The following CCDC192 variants were observed in gnomAD, a reference collection of about 807,000 sequenced individuals.
CCDC192 encodes coiled-coil domain-containing protein 192.
chr5:127,785,127 T>G, intron 3 of CCDC192: 1 of 522,032 alleles, frequency 1.9e-6, no homozygotes, highest in South Asian at 1.4e-5. Context: ...CCGTCTGGAA[T>G]GTGGATGCCT....
chr5:127,881,896 G>T (rs1210341181), intron 6 of CCDC192, among the ~76,000 whole-genome samples: 1 of 152,120 alleles, frequency 6.6e-6, no homozygotes, highest in African/African-American at 2.4e-5. Flanking sequence ...TCCACCTTTT[G>T]GTACACTTCA....
chr5:127,839,104 A>T (rs953106484), intron 5 of CCDC192, among the ~76,000 whole-genome samples: 2 of 152,242 alleles, frequency 1.3e-5, no homozygotes, highest in Admixed American at 1.3e-4. Context: ...TCTCTTGATA[A>T]ACTGAGAAAG....
intron 5 of CCDC192, among the ~76,000 whole-genome samples, chr5:127,850,789 A>G (rs1434537683): frequency 6.6e-6 from 1 of 152,142 alleles, no homozygotes; most frequent in Non-Finnish European, 1.5e-5. Flanking sequence ...AACATGGTGA[A>G]ACCCTATATC....
At chr5:127,770,295 T>G (rs1463387440) in intron 3 of CCDC192, among the ~76,000 whole-genome samples, 1 of 152,196 alleles carries the variant, frequency 6.6e-6, no homozygotes, top group Non-Finnish European at 1.5e-5. Flanking sequence ...GTTTCTATAA[T>G]ATAACTGCAG....
chr5:127,925,015 C>A (rs574525473), intron 6 of CCDC192, among the ~76,000 whole-genome samples: 4 of 152,276 alleles, frequency 2.6e-5, no homozygotes, highest in South Asian at 2.1e-4. Flanking sequence ...ATGTACAATA[C>A]ATCTCAACAA....
At chr5:127,753,682 T>C (rs1219118656) in intron 2 of CCDC192, among the ~76,000 whole-genome samples, 1 of 138,518 alleles carries the variant, frequency 7.2e-6, no homozygotes, top group African/African-American at 2.6e-5. Flanking sequence ...AGCAAAACTC[T>C]GCCTGGAAAA....
chr5:127,880,198 A>T lies in CCDC192; in HGVS notation c.535+4537A>T, dbSNP rs1172082182. Among the ~76,000 whole-genome samples, 6 of 151,434 alleles carry T rather than the reference A, an allele frequency of 4.0e-5. No homozygotes were observed. The East Asian group carries it at 1.2e-3, about 30-fold the overall frequency. On this transcript the variant is annotated intron_variant, in intron 6 of 6. Transcript: ENST00000514853. Reference sequence around the variant, plus strand: ...TTCACAATAGCAAAGACTTGGAACCAACCCAAATGTTCAACAATGATAGAC... The same window carrying T: ...TTCACAATAGCAAAGACTTGGAACCTACCCAAATGTTCAACAATGATAGAC...
Position 127,797,086 on chromosome 5 carries a change from A to G in CCDC192, c.223-17A>G, listed in dbSNP as rs1757203163. On this transcript the variant is annotated splice_polypyrimidine_tract_variant and intron_variant, in intron 3 of 6. Transcript: ENST00000514853. ...TATCACTGTACTTACATACTCTTAT[A>G]AAGAAAATATCTTTAGCTTTCAGTC... 1.5e-5 allele frequency: 6 copies of G among 397,398 alleles called. No homozygotes were observed. The East Asian group carries it at 2.1e-4, about 14-fold the overall frequency. 24.6% of individuals were successfully genotyped at this position (397,398 alleles called of 1,614,324 possible).
intron 2 of CCDC192, among the ~76,000 whole-genome samples, chr5:127,733,287 TA>T (rs1217261878): frequency 2.6e-5 from 4 of 152,128 alleles, no homozygotes; most frequent in Admixed American, 2.6e-4. Flanking sequence ...CATAGGAACA[TA>T]AAACCTACAG....
chr5:127,722,891 G>A (rs1752106093), intron 2 of CCDC192, among the ~76,000 whole-genome samples: 1 of 152,134 alleles, frequency 6.6e-6, no homozygotes, highest in African/African-American at 2.4e-5. Flanking sequence ...CAGGTAATGT[G>A]ATTCCTCCAG....
At chr5:127,786,211 T>G in intron 3 of CCDC192, 1 of 782,226 alleles carries the variant, frequency 1.3e-6, no homozygotes, top group Non-Finnish European at 2.3e-6. Flanking sequence ...TGTGCCTTCA[T>G]GAAGGTAAAC....
At chr5:127,749,964 C>CT (rs1159670963) in intron 2 of CCDC192, among the ~76,000 whole-genome samples, 1 of 151,860 alleles carries the variant, frequency 6.6e-6, no homozygotes, top group African/African-American at 2.4e-5. Context: ...GTGATATCCC[C>CT]TTTATCATTT....
chr5:127,828,122 G>A (rs1480364906), intron 5 of CCDC192, among the ~76,000 whole-genome samples: 3 of 152,136 alleles, frequency 2.0e-5, no homozygotes, highest in Admixed American at 1.3e-4. Context: ...GGCCAGGCTG[G>A]TCTCAAACTC....
At chr5:127,722,088 ATGAGGGTTCCC>A (rs1248848074) in intron 2 of CCDC192, among the ~76,000 whole-genome samples, 1 of 152,196 alleles carries the variant, frequency 6.6e-6, no homozygotes, top group Admixed American at 6.5e-5. Context: ...CCAACAGTGT[ATGAGGGTTCCC>A]TTTTCTCCAC....
At chr5:127,822,455 G>A (rs1325147437) in intron 5 of CCDC192, among the ~76,000 whole-genome samples, 1 of 152,148 alleles carries the variant, frequency 6.6e-6, no homozygotes, top group African/African-American at 2.4e-5. Context: ...TTATGTCCTA[G>A]TGGGGTTAAA....
chr5:127,860,880 A>C (rs1751329789), intron 5 of CCDC192, among the ~76,000 whole-genome samples: 1 of 152,206 alleles, frequency 6.6e-6, no homozygotes, highest in African/African-American at 2.4e-5. Flanking sequence ...TAGCCAGCCA[A>C]AATCCCTGAG....
chr5:127,816,416 A>T (rs1002804604), intron 5 of CCDC192, among the ~76,000 whole-genome samples: 2 of 152,186 alleles, frequency 1.3e-5, no homozygotes, highest in African/African-American at 4.8e-5. Context: ...GAGTCCTGTG[A>T]TATCAGTCAT....
At chr5:127,794,800 A>G (rs1228616815) in intron 3 of CCDC192, among the ~76,000 whole-genome samples, 4 of 152,278 alleles carry the variant, frequency 2.6e-5, no homozygotes, top group South Asian at 2.1e-4. Context: ...TGGATCACAT[A>G]ACAAACAGGA....
At chr5:127,709,919 A>G (rs10900792) in intron 2 of CCDC192, among the ~76,000 whole-genome samples, 46,988 of 151,908 alleles carry the variant, frequency 0.31, 7,607 homozygotes, top group South Asian at 0.43. Flanking sequence ...CTGTCTTCTA[A>G]GGATGCTAAT....
Sources: gnomAD v4.1 joint callset for allele counts (sites outside exome capture counted in the v4.1 genomes callset) on GRCh38, gnomAD v4.1.1 for gene constraint, MANE v1.5 for transcripts, NCBI Gene and HGNC (gene_info 2026-07-23, HGNC 2026-07-21) for gene names.